Variants in DERL1 observed in about 807,000 individuals in gnomAD.
DERL1 encodes the protein derlin 1, also known as derlin-1.
Under a neutral mutation model 41.6 loss-of-function variants are expected in DERL1, and 24 were observed. That is an observed-to-expected ratio of 0.58 (90% CI 0.42 to 0.81). The LOEUF (loss-of-function observed/expected upper bound fraction) is 0.81, where lower values mean the gene tolerates loss of function less well. Ranked by LOEUF, DERL1 falls within the 30% of genes least tolerant of loss-of-function variation. The pLI is 0.00. For missense variants in DERL1, 260 were observed against 314.3 expected (o/e 0.83, Z 1.31); for synonymous variants, 124 against 112.5 (o/e 1.10, Z -0.65).
Position 123,024,976 on chromosome 8 carries a change from T to C in DERL1, c.330+10A>G, listed in dbSNP as rs1464806552. On this transcript the variant is annotated intron_variant, in intron 3 of 7. Coordinates refer to ENST00000259512, the MANE Select transcript of DERL1 (RefSeq NM_024295.6). ...TTATTTCTGGCCCAAAATCACAGACTGAAGGATACCACGATGCAAATCCAG... is the reference window on the plus strand; with the variant it reads ...TTATTTCTGGCCCAAAATCACAGACCGAAGGATACCACGATGCAAATCCAG... 6.2e-6 allele frequency: 10 copies of C among 1,612,838 alleles called. No homozygotes were observed. In the Admixed American group the frequency reaches 1.3e-4, roughly 22 times the overall value.
chr8:123,019,700 G>A (rs1182813471), intron 6 of DERL1, among the ~76,000 whole-genome samples: 4 of 152,132 alleles, frequency 2.6e-5, no homozygotes, highest in African/African-American at 4.8e-5. Context: ...AGAGAGAAGC[G>A]TGGGAGTAAG....
At chr8:123,025,791 C>T (rs1812674142) in intron 2 of DERL1, 1 of 152,216 alleles carries the variant, frequency 6.6e-6, no homozygotes, top group Non-Finnish European at 1.5e-5. Context: ...CTACGACCTG[C>T]TTCTTACAGA....
chr8:123,014,171 G>A lies in DERL1; in HGVS notation c.*1276C>T, dbSNP rs1814490850. On this transcript the variant is annotated 3_prime_UTR_variant, in exon 8 of 8. Coordinates refer to ENST00000259512, the MANE Select transcript of DERL1 (RefSeq NM_024295.6). ...CATGGCCTTCAAAAAACTTTATTTGGTTATGAGCCAAGCTCTGATAGGAAA... is the reference window on the plus strand; with the variant it reads ...CATGGCCTTCAAAAAACTTTATTTGATTATGAGCCAAGCTCTGATAGGAAA... The A allele has an allele frequency of 6.6e-6, 1 of 152,474 alleles. No homozygotes were observed. Among genetic ancestry groups the A allele is most frequent in the Non-Finnish European group, 1.5e-5 (1 of 68,040 alleles). 9.4% of individuals were successfully genotyped at this position (152,474 alleles called of 1,614,324 possible). A position where few individuals can be genotyped will look rare whatever the true frequency, so the allele number is the denominator to read the frequency against.
chr8:123,018,735 C>A, intron 7 of DERL1: 1 of 192,562 alleles, frequency 5.2e-6, no homozygotes. Flanking sequence ...CTGAACAGTC[C>A]TGTAAAATGT....
intron 1 of DERL1, among the ~76,000 whole-genome samples, chr8:123,039,694 A>G (rs892920861): frequency 6.6e-6 from 1 of 152,178 alleles, no homozygotes; most frequent in African/African-American, 2.4e-5. Flanking sequence ...ACGTGCCTCT[A>G]TGTCTTCACA....
chr8:123,023,338 A>G (rs918159883), intron 4 of DERL1, among the ~76,000 whole-genome samples: 1 of 152,120 alleles, frequency 6.6e-6, no homozygotes, highest in Non-Finnish European at 1.5e-5. Flanking sequence ...CAGGCGGATC[A>G]TGAGGTCAGG....
chr8:123,015,437 G>C lies in DERL1; in HGVS notation c.*10C>G, dbSNP rs1177738541. 1 of 1,610,910 alleles carries C rather than the reference G, an allele frequency of 6.2e-7. No homozygotes were observed. The highest frequency in any genetic ancestry group is 8.5e-7 in the Non-Finnish European group (1 of 1,178,582). On this transcript the variant is annotated 3_prime_UTR_variant, in exon 8 of 8. Coordinates refer to ENST00000259512, the MANE Select transcript of DERL1 (RefSeq NM_024295.6). Reference sequence around the variant, plus strand: ...TGGCTTGAGAGGAGCGGCTGCCCGAGGCCGCCCCTTCACTGGTCTCCAAGT... The same window carrying C: ...TGGCTTGAGAGGAGCGGCTGCCCGACGCCGCCCCTTCACTGGTCTCCAAGT...
chr8:123,040,295 C>T (rs763237600), intron 1 of DERL1, among the ~76,000 whole-genome samples: 3 of 152,276 alleles, frequency 2.0e-5, no homozygotes, highest in African/African-American at 4.8e-5. Flanking sequence ...ATTTTATGTA[C>T]GGCCATCAGA....
chr8:123,037,818 T>C (rs1017604826), intron 1 of DERL1, among the ~76,000 whole-genome samples: 8 of 152,238 alleles, frequency 5.3e-5, no homozygotes, highest in South Asian at 2.1e-4. Context: ...CTCAGGGAAG[T>C]TGTAACAGGG....
chr8:123,023,594 T>C (rs956822776), intron 4 of DERL1, 119 bp downstream of exon 4: 1 of 904,970 alleles, frequency 1.1e-6, no homozygotes, highest in South Asian at 2.0e-5. Context: ...AATTCCATAA[T>C]TTCAAAATAC....
At chr8:123,029,916 C>T (rs1350648967) in intron 2 of DERL1, among the ~76,000 whole-genome samples, 1 of 151,812 alleles carries the variant, frequency 6.6e-6, no homozygotes, top group South Asian at 2.1e-4. Flanking sequence ...AAAAATTAGC[C>T]GGGTATGGTG....
intron 6 of DERL1, among the ~76,000 whole-genome samples, chr8:123,021,136 A>G (rs1483172062): frequency 6.6e-6 from 1 of 152,210 alleles, no homozygotes; most frequent in East Asian, 1.9e-4. Flanking sequence ...GCCAACTCAG[A>G]CAAAAATTAG....
At chr8:123,018,947 T>C in intron 7 of DERL1, 1 of 478,624 alleles carries the variant, frequency 2.1e-6, no homozygotes. Flanking sequence ...AGAGCTGAGA[T>C]GCCTCCTGTA....
In DERL1 at chr8:123,015,253, G is replaced by T; in HGVS notation, c.*194C>A. 2 of 739,826 alleles carry T rather than the reference G, an allele frequency of 2.7e-6. No homozygotes were observed. Among genetic ancestry groups the T allele is most frequent in the Non-Finnish European group, 4.1e-6 (2 of 488,014 alleles). 45.8% of individuals were successfully genotyped at this position (739,826 alleles called of 1,614,324 possible). A position where few individuals can be genotyped will look rare whatever the true frequency, so the allele number is the denominator to read the frequency against. On this transcript the variant is annotated 3_prime_UTR_variant, in exon 8 of 8. Transcript: ENST00000259512. Reference sequence around the variant, plus strand: ...GGTATTTGTTCTTCACAGCAGTAAGGACTTGAATGAGAATCGTGAAACTTG... The same window carrying T: ...GGTATTTGTTCTTCACAGCAGTAAGTACTTGAATGAGAATCGTGAAACTTG...
chr8:123,041,994 G>A lies in DERL1; in HGVS notation c.129C>T (p.Pro43=), dbSNP rs375156558. ...LISPAYLFLW[P]EAFLYRFQIW... ...CCTGAAAGCGATAAAGGAAGGCTTC[G>A]GGCCAGAGGAAGAGGTAGGCCGGGC... The change falls in exon 1 of 8, where the codon CCC becomes CCT. Residue 43 remains proline (P), a synonymous_variant. Transcript: ENST00000259512. 3.1e-6 allele frequency: 5 copies of A among 1,612,894 alleles called. No homozygotes were observed. In the African/African-American group the frequency reaches 4.0e-5, roughly 13 times the overall value.
intron 1 of DERL1, 29 bp from the exon 2 acceptor site, chr8:123,030,745 T>G: frequency 1.0e-4 from 146 of 1,390,676 alleles, no homozygotes; most frequent in Non-Finnish European, 1.4e-4. Flanking sequence ...ACACAGCTGT[T>G]AGTTTCTGTA....
At chr8:123,017,805 T>A (rs536759577) in intron 7 of DERL1, 48 of 152,342 alleles carry the variant, frequency 3.2e-4, no homozygotes, top group African/African-American at 1.1e-3. Context: ...CTTTTTTTAA[T>A]TGATGCATCT....
At chr8:123,035,324 A>G (rs1323918898) in intron 1 of DERL1, among the ~76,000 whole-genome samples, 1 of 152,242 alleles carries the variant, frequency 6.6e-6, no homozygotes, top group Non-Finnish European at 1.5e-5. Flanking sequence ...AAACACCAGA[A>G]GACAGCTTAT....
rs767759560 is a variant in DERL1, at chr8:123,042,153, G to C, written c.-31C>G. The C allele has an allele frequency of 1.9e-6, 3 of 1,568,496 alleles. No homozygotes were observed. Among genetic ancestry groups the C allele is most frequent in the African/African-American group, 2.7e-5 (2 of 73,792 alleles). ...ACCCACAGGTAGCCAAGATGCACAA[G>C]ACCGCCCGACTCCCCGTGCCGACCC... On this transcript the variant is annotated 5_prime_UTR_variant, in exon 1 of 8. Coordinates refer to ENST00000259512, the MANE Select transcript of DERL1 (RefSeq NM_024295.6).
Sources: allele counts gnomAD v4.1 joint callset (sites outside exome capture counted in the v4.1 genomes callset), GRCh38; gene constraint gnomAD v4.1.1; transcripts MANE v1.5; gene names NCBI Gene and HGNC (gene_info 2026-07-23, HGNC 2026-07-21).